Variants in NELL2 observed in about 807,000 individuals in gnomAD.
NELL2 encodes protein kinase C-binding protein NELL2.
A neutral mutation model predicts 109.6 loss-of-function variants in NELL2; 41 were observed. That is an observed-to-expected ratio of 0.37 (90% CI 0.29 to 0.49). NELL2 has a LOEUF of 0.49. Ranked by LOEUF, NELL2 falls within the 20% of genes least tolerant of loss-of-function variation. The pLI is 0.98. For missense variants in NELL2, 900 were observed against 1,008.3 expected (o/e 0.89, Z 1.45); for synonymous variants, 355 against 344.7 (o/e 1.03, Z -0.33).
At chr12:44,551,867 C>G (rs896372906) in intron 15 of NELL2, among the ~76,000 whole-genome samples, 7 of 152,096 alleles carry the variant, frequency 4.6e-5, no homozygotes, top group African/African-American at 1.7e-4. Flanking sequence ...GCTTTTATTA[C>G]TCATAAGATA....
intron 15 of NELL2, among the ~76,000 whole-genome samples, chr12:44,572,266 T>C (rs1943902053): frequency 6.6e-6 from 1 of 152,150 alleles, no homozygotes; most frequent in Non-Finnish European, 1.5e-5. Context: ...CTCAGTCTTT[T>C]GGGTAGCTGG....
intron 2 of NELL2, among the ~76,000 whole-genome samples, chr12:44,863,323 T>C (rs887995328): frequency 2.0e-5 from 3 of 152,182 alleles, no homozygotes; most frequent in African/African-American, 7.2e-5. Flanking sequence ...CAGTCTTCAA[T>C]CAGATTCAAT....
At chr12:44,610,782 T>C in intron 14 of NELL2, 66 bp downstream of exon 14, 2 of 1,599,724 alleles carry the variant, frequency 1.3e-6, no homozygotes, top group African/African-American at 1.3e-5. Context: ...TGATAAGGTG[T>C]AGAGGAAGGT....
At position 44,857,569 on chromosome 12, in the gene NELL2, A is replaced by G. The variant is rs1944719125; in HGVS notation, c.184+17656T>C. Among the ~76,000 whole-genome samples, 3 of 152,190 alleles carry G rather than the reference A, an allele frequency of 2.0e-5. No individual in the cohort carries two copies. In the South Asian group the frequency reaches 6.2e-4, roughly 32 times the overall value. Reference sequence around the variant, plus strand: ...ATCAAATCAATACCAAGGAACGCCAAGGTTATCCAGACAGAGCCAGGTAAA... The same window carrying G: ...ATCAAATCAATACCAAGGAACGCCAGGGTTATCCAGACAGAGCCAGGTAAA... On this transcript the variant is annotated intron_variant, in intron 2 of 19. Transcript: ENST00000429094.
intron 13 of NELL2, among the ~76,000 whole-genome samples, chr12:44,658,876 C>CAAAA (rs758903947): frequency 9.8e-4 from 96 of 97,488 alleles, no homozygotes; most frequent in Admixed American, 1.2e-3. Flanking sequence ...GACTCTGTCT[C>CAAAA]CAAAAAAAAA....
At chr12:44,803,275 T>G (rs1484256095) in intron 3 of NELL2, among the ~76,000 whole-genome samples, 1 of 152,078 alleles carries the variant, frequency 6.6e-6, no homozygotes, top group Non-Finnish European at 1.5e-5. Flanking sequence ...CATGTGTTCT[T>G]GGCTAGAATC....
rs79858379 is a variant in NELL2, at chr12:44,779,985, C to T, written c.373G>A (p.Val125Ile). Residue 125 changes from valine (V) to isoleucine (I), a missense_variant, in exon 4 of 20, where the codon GTC becomes ATC. Around this residue, in one of 4 missense-constraint regions of NELL2, gnomAD observed 200 missense variants for 191.8 expected, o/e 1.04. Transcript: ENST00000429094. ...ELESSGHRNE[V>I]RLHYRSGSHR... is the part of the protein sequence containing the mutation. ...CTGCCTGAGCGGTAATGCAGTCTGACTTCATTCCGATGGCCACTACTTTCC... is the reference window on the plus strand; with the variant it reads ...CTGCCTGAGCGGTAATGCAGTCTGATTTCATTCCGATGGCCACTACTTTCC... 1,684 of 1,613,818 alleles carry T rather than the reference C, an allele frequency of 1.0e-3. 35 individuals are homozygous for T. In the East Asian group the frequency reaches 0.036, roughly 34 times the overall value.
intron 17 of NELL2, 162 bp downstream of exon 17, chr12:44,523,129 C>G (rs1483453441): frequency 1.4e-6 from 1 of 738,576 alleles, no homozygotes; most frequent in Non-Finnish European, 2.2e-6. Context: ...TAGGAAAGAA[C>G]ATAGGCAACA....
intron 15 of NELL2, among the ~76,000 whole-genome samples, chr12:44,596,475 T>C (rs1944967736): frequency 6.6e-6 from 1 of 152,160 alleles, no homozygotes; most frequent in Admixed American, 6.5e-5. Flanking sequence ...CTTCAGAGGG[T>C]TATTGTAGGG....
Position 44,785,100 on chromosome 12 carries a change from T to C in NELL2, c.336-5078A>G, listed in dbSNP as rs1942114378. Among the ~76,000 whole-genome samples the C allele has an allele frequency of 3.9e-5, 6 of 152,350 alleles. No individual in the cohort carries two copies. The South Asian group carries it at 1.2e-3, about 32-fold the overall frequency. On this transcript the variant is annotated intron_variant, in intron 3 of 19. Coordinates refer to ENST00000429094, the MANE Select transcript of NELL2 (RefSeq NM_001145108.2). ...AGAAAGGAAGGCAAATTGTTTTGTT[T>C]GCAGATGACATGATTGTATATTTAG...
intron 12 of NELL2, among the ~76,000 whole-genome samples, chr12:44,702,822 CTATT>C (rs1164387794): frequency 2.0e-5 from 3 of 149,534 alleles, no homozygotes; most frequent in Non-Finnish European, 4.4e-5. Flanking sequence ...AAAGAAAAAA[CTATT>C]TAAGCTAAGG....
rs186758342 is a variant in NELL2 at position 44,743,061 on chromosome 12, G to A, written c.995-28320C>T. 5.3e-5 allele frequency among the ~76,000 whole-genome samples: 8 copies of A among 152,252 alleles called. No homozygotes were observed. In the East Asian group the frequency reaches 7.7e-4, roughly 15 times the overall value. ...AAGGGCAGCCAGAGAGAAAGGTTGGGTTACCCTCAAAGGGAAGCACATCAG... is the reference window on the plus strand; with the variant it reads ...AAGGGCAGCCAGAGAGAAAGGTTGGATTACCCTCAAAGGGAAGCACATCAG... On this transcript the variant is annotated intron_variant, in intron 9 of 19. Coordinates refer to ENST00000429094, the MANE Select transcript of NELL2 (RefSeq NM_001145108.2).
At chr12:44,873,255 C>T (rs1945216488) in intron 2 of NELL2, among the ~76,000 whole-genome samples, 1 of 152,112 alleles carries the variant, frequency 6.6e-6, no homozygotes, top group Non-Finnish European at 1.5e-5. Flanking sequence ...AAATATTGAG[C>T]TCGGCATCAA....
At chr12:44,577,477 T>TG (rs1014137387) in intron 15 of NELL2, among the ~76,000 whole-genome samples, 45 of 123,510 alleles carry the variant, frequency 3.6e-4, no homozygotes, top group East Asian at 3.6e-3. Context: ...TTTTTTTTTT[T>TG]TTTTTTTTTT....
At chr12:44,583,380 G>A (rs1369300316) in intron 15 of NELL2, among the ~76,000 whole-genome samples, 1 of 152,144 alleles carries the variant, frequency 6.6e-6, no homozygotes, top group Non-Finnish European at 1.5e-5. Flanking sequence ...TTCCATGGAT[G>A]TTGCCTGGAC....
chr12:44,902,004 C>A (rs1223753521), intron 1 of NELL2, among the ~76,000 whole-genome samples: 1 of 152,148 alleles, frequency 6.6e-6, no homozygotes, highest in Admixed American at 6.5e-5. Flanking sequence ...GACAAGGATA[C>A]CCTCTCTCAT....
chr12:44,830,073 A>G (rs1943839772), intron 2 of NELL2, among the ~76,000 whole-genome samples: 1 of 152,220 alleles, frequency 6.6e-6, no homozygotes, highest in Non-Finnish European at 1.5e-5. Flanking sequence ...AGAAGAAAAC[A>G]AGATGAAGGT....
chr12:44,752,337 A>G (rs1341961114), intron 9 of NELL2, among the ~76,000 whole-genome samples: 2 of 152,252 alleles, frequency 1.3e-5, no homozygotes, highest in Admixed American at 6.5e-5. Context: ...GCAGTATTTC[A>G]TAATTATCAT....
chr12:44,899,679 G>A (rs959507404), intron 1 of NELL2, among the ~76,000 whole-genome samples: 65 of 151,930 alleles, frequency 4.3e-4, no homozygotes, highest in African/African-American at 1.5e-3. Flanking sequence ...GTAAAGCATC[G>A]ACACTATGAA....
Sources: allele counts gnomAD v4.1 joint callset (sites outside exome capture counted in the v4.1 genomes callset), GRCh38; gene constraint gnomAD v4.1.1; regional missense constraint gnomAD v4.1.1; transcripts MANE v1.5; gene names NCBI Gene and HGNC (gene_info 2026-07-23, HGNC 2026-07-21).